TAC4: variants seen among roughly 807,000 people sequenced by gnomAD.
TAC4 encodes tachykinin precursor 4.
In TAC4, 17 loss-of-function variants were observed where a neutral mutation model predicts 17.7. The observed-to-expected ratio is 0.96, with a 90% CI of 0.66 to 1.44. The LOEUF is 1.44. Among genes scored for constraint, TAC4 ranks in the 40% most tolerant of loss-of-function variants. The pLI, the probability that TAC4 is intolerant of heterozygous loss-of-function variation, is 0.00. For synonymous variants in TAC4, 62 were observed against 52.4 expected, an observed-to-expected ratio of 1.18 and a Z score of -0.79; for missense variants, 118 against 125.6, an observed-to-expected ratio of 0.94 and a Z score of 0.29.
rs2074474116 is a variant in TAC4, at chr17:49,838,633, T to C, written c.*9A>G. 6.2e-7 allele frequency: 1 copy of C among 1,613,346 alleles called. No homozygotes were observed. Among genetic ancestry groups the C allele is most frequent in the African/African-American group, 1.3e-5 (1 of 74,798 alleles). Reference sequence around the variant, plus strand: ...ACCGTGTCCTCTGGGAAGTCTGTGGTGGGGGCTTTTACTCTGAACCTTGGG... The same window carrying C: ...ACCGTGTCCTCTGGGAAGTCTGTGGCGGGGGCTTTTACTCTGAACCTTGGG... On this transcript the variant is annotated 3_prime_UTR_variant, in exon 5 of 5. Coordinates refer to ENST00000436235, the MANE Select transcript of TAC4 (RefSeq NM_001077506.2).
chr17:49,839,026 T>G (rs1172947895), intron 4 of TAC4, among the ~76,000 whole-genome samples: 2 of 152,150 alleles, frequency 1.3e-5, no homozygotes, highest in African/African-American at 4.8e-5. Context: ...GCCAGTAGCT[T>G]TCCATCTCTG....
chr17:49,845,510 T>C (rs1013167233), intron 1 of TAC4, among the ~76,000 whole-genome samples: 1 of 152,136 alleles, frequency 6.6e-6, no homozygotes, highest in African/African-American at 2.4e-5. Context: ...CTTGCACACA[T>C]AGGAGCCCAG....
At position 49,847,988 on chromosome 17, in the gene TAC4, CAGG is replaced by C. The variant is rs547251357; in HGVS notation, c.27_29del (p.Leu10del). 103 of 1,614,204 alleles carry C rather than the reference CAGG, an allele frequency of 6.4e-5. No individual in the cohort carries two copies. The South Asian group carries it at 9.1e-4, about 14-fold the overall frequency. On this transcript the variant is annotated inframe_deletion, in exon 1 of 5. Coordinates refer to ENST00000436235, the MANE Select transcript of TAC4 (RefSeq NM_001077506.2). ...CCACAGTGCACACGGACAGCTCCAT[CAGG>C]AGAAGCAGGGCGAGGCAAGGCAGCA...
chr17:49,842,427 G>A (rs2074505464), intron 2 of TAC4, among the ~76,000 whole-genome samples: 1 of 151,926 alleles, frequency 6.6e-6, no homozygotes, highest in African/African-American at 2.4e-5. Context: ...CTACTTGGGA[G>A]GCTGAGGCAG....
intron 1 of TAC4, among the ~76,000 whole-genome samples, chr17:49,845,667 G>A (rs944516700): frequency 4.6e-5 from 7 of 152,190 alleles, no homozygotes; most frequent in Non-Finnish European, 7.3e-5. Context: ...CCAGGAGCTG[G>A]GAGCTGGGCT....
chr17:49,846,253 G>A (rs1246206621), intron 1 of TAC4: 8 of 1,285,198 alleles, frequency 6.2e-6, no homozygotes, highest in African/African-American at 3.1e-5. Context: ...TAAGTGATGC[G>A]ATCATGCCCC....
chr17:49,846,645 C>G (rs2074542792), intron 1 of TAC4, among the ~76,000 whole-genome samples: 1 of 152,150 alleles, frequency 6.6e-6, no homozygotes. Context: ...CCAGTCTCCT[C>G]CCATATTCCA....
intron 1 of TAC4, chr17:49,846,186 C>T: frequency 7.8e-7 from 1 of 1,288,784 alleles, no homozygotes; most frequent in Non-Finnish European, 1.0e-6. Flanking sequence ...CCATTTAACC[C>T]AAATCCCCAA....
In TAC4 at chr17:49,838,552, G is replaced by T; in HGVS notation, c.*90C>A. On this transcript the variant is annotated 3_prime_UTR_variant, in exon 5 of 5. Transcript: ENST00000436235. ...CAGCGATGAGGACAGGAGACACAGA[G>T]AAGAGAGTTGGCCTGCCGGCTTGTC... is the stretch of plus-strand genomic sequence containing the variant. The T allele has an allele frequency of 6.6e-7, 1 of 1,518,190 alleles. No individual in the cohort carries two copies. The highest frequency in any genetic ancestry group is 9.1e-7 in the Non-Finnish European group (1 of 1,094,300). The allele number at this position is 1,518,190 out of a possible 1,614,324, so 94.0% of individuals were successfully genotyped here. A position where few individuals can be genotyped will look rare whatever the true frequency, so the allele number is the denominator to read the frequency against.
chr17:49,846,871 TA>T (rs1282487200), intron 1 of TAC4: 20 of 1,070,444 alleles, frequency 1.9e-5, no homozygotes, highest in Non-Finnish European at 2.3e-5. Flanking sequence ...GCACTGACTA[TA>T]AAAGCATATC....
intron 2 of TAC4, among the ~76,000 whole-genome samples, chr17:49,842,326 C>T (rs933892784): frequency 1.3e-5 from 2 of 151,672 alleles, no homozygotes; most frequent in African/African-American, 4.8e-5. Flanking sequence ...GTCAGGAATT[C>T]GAGACCAGCC....
chr17:49,840,887 CTT>C (rs778120935), intron 3 of TAC4, among the ~76,000 whole-genome samples: 3 of 79,562 alleles, frequency 3.8e-5, no homozygotes, highest in African/African-American at 1.2e-4. Context: ...TAGATTTGTA[CTT>C]TTTTTTTTTT....
intron 1 of TAC4, among the ~76,000 whole-genome samples, chr17:49,844,911 G>A (rs934994754): frequency 8.5e-5 from 13 of 152,124 alleles, no homozygotes; most frequent in East Asian, 1.9e-4. Flanking sequence ...GATTTCCCCC[G>A]GCCCCTGCAT....
chr17:49,838,536 G>T lies in TAC4; in HGVS notation c.*106C>A. On this transcript the variant is annotated 3_prime_UTR_variant, in exon 5 of 5. Coordinates refer to ENST00000436235, the MANE Select transcript of TAC4 (RefSeq NM_001077506.2). The stretch of plus-strand genomic sequence containing the variant: ...GCCTTGTGTGAAGTGCCAGCGATGA[G>T]GACAGGAGACACAGAGAAGAGAGTT... The T allele has an allele frequency of 7.1e-7, 1 of 1,399,560 alleles. No individual in the cohort carries two copies. The highest frequency in any genetic ancestry group is 1.0e-6 in the Non-Finnish European group (1 of 988,980). 86.7% of individuals were successfully genotyped at this position (1,399,560 alleles called of 1,614,324 possible).
chr17:49,841,141 C>T (rs1456105395), intron 3 of TAC4, among the ~76,000 whole-genome samples: 1 of 151,726 alleles, frequency 6.6e-6, no homozygotes, highest in African/African-American at 2.4e-5. Context: ...CTGCCTTGGC[C>T]TCCCAAAGTG....
In TAC4 at chr17:49,847,280, CT is replaced by C. The variant is rs765131915; in HGVS notation, c.105+632del. On this transcript the variant is annotated intron_variant, in intron 1 of 4. Transcript: ENST00000436235. Reference sequence around the variant, plus strand: ...TGGCTTGTTGGTATCTGTCCCTTGTCTGATTAGGGAACGCCTGAGGTCAGGA... The same window carrying C: ...TGGCTTGTTGGTATCTGTCCCTTGTCGATTAGGGAACGCCTGAGGTCAGGA... 26 of 1,281,294 alleles carry C rather than the reference CT, an allele frequency of 2.0e-5. No individual in the cohort carries two copies. The African/African-American group carries it at 3.8e-4, about 19-fold the overall frequency. The allele number at this position is 1,281,294 out of a possible 1,614,324, so 79.4% of individuals were successfully genotyped here.
intron 1 of TAC4, chr17:49,847,670 TACACACACACAC>T (rs1230844971): frequency 2.1e-5 from 9 of 426,124 alleles, no homozygotes; most frequent in African/African-American, 1.1e-4. Context: ...AAGTATTTCT[TACACACACACAC>T]ACACACACAG....
intron 1 of TAC4, chr17:49,846,196 A>G (rs1367975421): frequency 1.6e-6 from 2 of 1,287,776 alleles, no homozygotes; most frequent in East Asian, 1.1e-4. Flanking sequence ...CAAATCCCCA[A>G]CTCCAGGGAT....
intron 2 of TAC4, 117 bp downstream of exon 2, chr17:49,843,947 C>A: frequency 1.2e-6 from 1 of 863,532 alleles, no homozygotes. Flanking sequence ...TGAGCGACCC[C>A]TACTGGACTG....
Sources: allele counts gnomAD v4.1 joint callset (sites outside exome capture counted in the v4.1 genomes callset), GRCh38; gene constraint gnomAD v4.1.1; transcripts MANE v1.5; gene names NCBI Gene and HGNC (gene_info 2026-07-23, HGNC 2026-07-21).